SNX24: variants seen among roughly 807,000 people sequenced by gnomAD.
SNX24 encodes sorting nexin 24.
In SNX24, 22 loss-of-function variants were observed where a neutral mutation model predicts 28.7. The observed-to-expected ratio is 0.77, with a 90% confidence interval of 0.55 to 1.10. The LOEUF (loss-of-function observed/expected upper bound fraction) is 1.10, where lower values mean the gene tolerates loss of function less well. Ranked by LOEUF, SNX24 falls within the 50% of genes least tolerant of loss-of-function variation. SNX24 has a pLI of 0.00. For missense variants in SNX24, 221 were observed against 201.1 expected (o/e 1.10, Z -0.60); for synonymous variants, 69 against 71.5 (o/e 0.96, Z 0.18).
chr5:122,921,875 T>C (rs1231656086), intron 1 of SNX24, among the ~76,000 whole-genome samples: 1 of 152,244 alleles, frequency 6.6e-6, no homozygotes, highest in Non-Finnish European at 1.5e-5. Flanking sequence ...GTTCTTTCTT[T>C]AAAGCAGTCA....
At chr5:122,921,085 G>A (rs1398124653) in intron 1 of SNX24, among the ~76,000 whole-genome samples, 3 of 151,124 alleles carry the variant, frequency 2.0e-5, no homozygotes, top group South Asian at 2.1e-4. Flanking sequence ...ATACATATAC[G>A]CACACATACA....
At chr5:122,978,609 G>A (rs1761262909) in intron 3 of SNX24, among the ~76,000 whole-genome samples, 1 of 152,160 alleles carries the variant, frequency 6.6e-6, no homozygotes. Flanking sequence ...TTATACAGTA[G>A]CATCTGTGAG....
At position 123,025,789 on chromosome 5, in the gene SNX24, C is replaced by T. The variant is rs1343851714; in HGVS notation, n.384-3449C>T. On this transcript the variant is annotated intron_variant and non_coding_transcript_variant, in intron 5 of 5. Coordinates refer to the SNX24 transcript ENST00000502387. ...AAAAAAATGTATCAATTTACCATCCCATCAATGACTTTTCCAAACACCACA... is the reference window on the plus strand; with the variant it reads ...AAAAAAATGTATCAATTTACCATCCTATCAATGACTTTTCCAAACACCACA... 4.3e-6 allele frequency: 7 copies of T among 1,612,076 alleles called. No homozygotes were observed. The Admixed American group carries it at 8.4e-5, about 19-fold the overall frequency.
chr5:122,972,732 A>G (rs1423943266), intron 3 of SNX24, among the ~76,000 whole-genome samples: 1 of 152,152 alleles, frequency 6.6e-6, no homozygotes, highest in Non-Finnish European at 1.5e-5. Context: ...CCATATCTGG[A>G]GTAAGTGTCT....
At chr5:123,009,772 G>A (rs1762531062), downstream of SNX24, among the ~76,000 whole-genome samples, 2 of 152,258 alleles carry the variant, frequency 1.3e-5, no homozygotes, top group South Asian at 4.1e-4. Context: ...TTGGAAGGGT[G>A]AGAGGAGTGC....
chr5:122,888,917 T>C lies in SNX24; in HGVS notation c.60+43224T>C, dbSNP rs566134099. 2.0e-5 allele frequency among the ~76,000 whole-genome samples: 3 copies of C among 152,312 alleles called. No homozygotes were observed. The East Asian group carries it at 5.8e-4, about 29-fold the overall frequency. Reference sequence around the variant, plus strand: ...CCAAGAATGGAGTGCAGTGGCGTGATCTCAGCTCACTGCAGCCTCTGCCTC... The same window carrying C: ...CCAAGAATGGAGTGCAGTGGCGTGACCTCAGCTCACTGCAGCCTCTGCCTC... On this transcript the variant is annotated intron_variant, in intron 1 of 6. Coordinates refer to ENST00000261369, the MANE Select transcript of SNX24 (RefSeq NM_014035.4).
At chr5:122,950,843 CA>C (rs1265298084) in intron 3 of SNX24, among the ~76,000 whole-genome samples, 1 of 152,114 alleles carries the variant, frequency 6.6e-6, no homozygotes, top group African/African-American at 2.4e-5. Flanking sequence ...GGAGGGCAAC[CA>C]GCAAATTACC....
chr5:122,956,361 A>AAAT (rs1427104778), intron 3 of SNX24, among the ~76,000 whole-genome samples: 3 of 89,832 alleles, frequency 3.3e-5, no homozygotes, highest in Non-Finnish European at 2.2e-5. Context: ...GGAAAAAAAA[A>AAAT]ATATATACAC....
At chr5:122,998,767 G>A (rs1762139493) in intron 3 of SNX24, among the ~76,000 whole-genome samples, 2 of 152,104 alleles carry the variant, frequency 1.3e-5, no homozygotes, top group South Asian at 2.1e-4. Flanking sequence ...GTGAACCATG[G>A]CTAAGAACAA....
chr5:122,846,333 C>T (rs1014552503), intron 1 of SNX24, among the ~76,000 whole-genome samples: 2 of 151,960 alleles, frequency 1.3e-5, no homozygotes, highest in Admixed American at 6.6e-5. Flanking sequence ...GAGACCAGGG[C>T]ATGGGCCCTT....
rs111887088 is a variant in SNX24 at position 123,027,643 on chromosome 5, A to C, written n.384-1595A>C. Among the ~76,000 whole-genome samples, 648 of 152,334 alleles carry C rather than the reference A, an allele frequency of 4.3e-3. 6 individuals are homozygous for C. The highest frequency in any genetic ancestry group is 0.015 in the African/African-American group (616 of 41,578). On this transcript the variant is annotated intron_variant and non_coding_transcript_variant, in intron 5 of 5. Transcript: ENST00000502387. ...CAAGAACTAGAAGTAATCTTCACAA[A>C]GTGCCTGGCAAATCAAAGCACTTAA...
chr5:122,954,862 TTC>T (rs1292708780), intron 3 of SNX24, among the ~76,000 whole-genome samples: 1 of 152,206 alleles, frequency 6.6e-6, no homozygotes, highest in African/African-American at 2.4e-5. Context: ...ATTTAAGTTT[TTC>T]CCCTTTTGAA....
chr5:122,974,836 G>A (rs1761103383), intron 3 of SNX24, among the ~76,000 whole-genome samples: 2 of 152,056 alleles, frequency 1.3e-5, no homozygotes, highest in Non-Finnish European at 2.9e-5. Context: ...GCTTCCATTC[G>A]GCCTTCCCAC....
At chr5:122,913,526 G>T (rs988908970) in intron 1 of SNX24, among the ~76,000 whole-genome samples, 70 of 151,946 alleles carry the variant, frequency 4.6e-4, no homozygotes, top group Non-Finnish European at 1.6e-4. Flanking sequence ...CCTGGCGGAG[G>T]GGCTCCTCAC....
chr5:122,953,050 A>ATTAC (rs1212291087), intron 3 of SNX24, among the ~76,000 whole-genome samples: 1 of 58,638 alleles, frequency 1.7e-5, no homozygotes, highest in Non-Finnish European at 3.1e-5. Flanking sequence ...AATATAAGCG[A>ATTAC]TTTCTTTCTT....
chr5:122,907,687 G>T (rs1581731674), intron 1 of SNX24, among the ~76,000 whole-genome samples: 1 of 152,292 alleles, frequency 6.6e-6, no homozygotes, highest in East Asian at 1.9e-4. Context: ...TTTGTATGCA[G>T]AGGGGCTTGA....
intron 3 of SNX24, 56 bp from the exon 4 acceptor site, chr5:122,999,856 A>G (rs370937303): frequency 7.9e-6 from 8 of 1,009,792 alleles, no homozygotes; most frequent in Admixed American, 5.1e-5. Context: ...AGTTCATTTG[A>G]TTGATCACCT....
intron 3 of SNX24, among the ~76,000 whole-genome samples, chr5:122,967,843 G>A (rs1448851772): frequency 2.0e-5 from 3 of 152,152 alleles, no homozygotes; most frequent in African/African-American, 7.2e-5. Flanking sequence ...ATTAAACCAC[G>A]AGCTCACGTG....
downstream of SNX24, among the ~76,000 whole-genome samples, chr5:123,014,166 G>A (rs375793548): frequency 3.9e-5 from 6 of 152,062 alleles, no homozygotes; most frequent in East Asian, 9.7e-4. Context: ...CAATAGAATT[G>A]TATTTATGTG....
Sources: allele counts gnomAD v4.1 joint callset (sites outside exome capture counted in the v4.1 genomes callset), GRCh38; gene constraint gnomAD v4.1.1; transcripts MANE v1.5; gene names NCBI Gene and HGNC (gene_info 2026-07-23, HGNC 2026-07-21).